SLC12A9: variants seen among roughly 807,000 people sequenced by gnomAD.
SLC12A9 encodes CCC-interacting protein 1.
Under a neutral mutation model 66.0 loss-of-function variants are expected in SLC12A9, and 55 were observed. The ratio of observed to expected loss-of-function variants is 0.83; its 90% CI spans 0.67 to 1.04. The LOEUF is 1.04. Ranked by LOEUF, SLC12A9 falls within the 50% of genes least tolerant of loss-of-function variation. The pLI, the probability that SLC12A9 is intolerant of heterozygous loss-of-function variation, is 0.00. For synonymous variants in SLC12A9, 577 were observed against 569.0 expected (o/e 1.01, Z -0.20); for missense variants, 1,061 against 1,241.9 (o/e 0.85, Z 2.19).
chr7:100,860,391 C>A, intron 9 of SLC12A9, 159 bp downstream of exon 9: 1 of 734,920 alleles, frequency 1.4e-6, no homozygotes. Flanking sequence ...TTGTGGGGTT[C>A]ACCAGCACCT....
rs558305188 is a variant in SLC12A9 at position 100,831,559 on chromosome 7, C to T, written n.228+4512C>T. 2.0e-5 allele frequency among the ~76,000 whole-genome samples: 3 copies of T among 152,270 alleles called. No individual in the cohort carries two copies. In the South Asian group the frequency reaches 6.2e-4, roughly 32 times the overall value. On this transcript the variant is annotated intron_variant and non_coding_transcript_variant, in intron 1 of 1. Coordinates refer to the SLC12A9 transcript ENST00000461016. ...GTGGCACGGTCATGGCTCACTGCAG[C>T]CTTGACCTCCTGGGCTCGAGCAATC...
Position 100,866,830 on chromosome 7 carries a change from A to G in SLC12A9, c.*225A>G. On this transcript the variant is annotated 3_prime_UTR_variant, in exon 14 of 14. Transcript: ENST00000354161. This position sits in a 1 kb window ranked among gnomAD's most constrained non-coding sequence, Gnocchi z 7.3. ...GGTGGCTGTCCCCACCGTGCAGGGG[A>G]GGGAGTCCGCAGCCTCCCTTCACTG... 2.2e-6 allele frequency: 1 copy of G among 456,682 alleles called. No homozygotes were observed. The highest frequency in any genetic ancestry group is 3.8e-6 in the Non-Finnish European group (1 of 262,062). The allele number at this position is 456,682 out of a possible 1,614,324, so 28.3% of individuals were successfully genotyped here.
In SLC12A9 at chr7:100,866,791, G is replaced by C. The variant is rs1283612146; in HGVS notation, c.*186G>C. ...CACCTCCTTTGGCAGAGGGACCCCA[G>C]CACACTAACTCTGGGTGGCTGTCCC... On this transcript the variant is annotated 3_prime_UTR_variant, in exon 14 of 14. Transcript: ENST00000354161. The surrounding 1 kb of genome is among the most constrained non-coding windows in gnomAD (Gnocchi z 7.3). 2 of 588,088 alleles carry C rather than the reference G, an allele frequency of 3.4e-6. No homozygotes were observed. Among genetic ancestry groups the C allele is most frequent in the African/African-American group, 3.9e-5 (2 of 51,728 alleles). 36.4% of individuals were successfully genotyped at this position (588,088 alleles called of 1,614,324 possible). A position where few individuals can be genotyped will look rare whatever the true frequency, so the allele number is the denominator to read the frequency against.
At chr7:100,845,916 C>T (rs1247278426) in intron 1 of SLC12A9, among the ~76,000 whole-genome samples, 1 of 152,204 alleles carries the variant, frequency 6.6e-6, no homozygotes, top group Non-Finnish European at 1.5e-5. Context: ...ATAAAACCAG[C>T]AGAGCCTTGA....
intron 1 of SLC12A9, among the ~76,000 whole-genome samples, chr7:100,839,507 C>T (rs902471867): frequency 9.9e-5 from 15 of 152,166 alleles, no homozygotes; most frequent in Admixed American, 8.5e-4. Flanking sequence ...GGCGGATGGT[C>T]GAGGCAGCTC....
intron 1 of SLC12A9, chr7:100,827,120 T>TACTCCGCGCGGG: frequency 7.1e-7 from 1 of 1,411,152 alleles, no homozygotes; most frequent in Non-Finnish European, 9.6e-7. Flanking sequence ...TGGACGCCGA[T>TACTCCGCGCGGG]ACTCCGCGCG....
At chr7:100,837,825 T>G (rs905985180) in intron 1 of SLC12A9, among the ~76,000 whole-genome samples, 6 of 151,728 alleles carry the variant, frequency 4.0e-5, no homozygotes, top group Non-Finnish European at 8.8e-5. Flanking sequence ...TTATTTCATC[T>G]ATTTATTTTT....
At chr7:100,836,272 G>C (rs1320406080) in intron 1 of SLC12A9, among the ~76,000 whole-genome samples, 1 of 152,210 alleles carries the variant, frequency 6.6e-6, no homozygotes, top group East Asian at 1.9e-4. Flanking sequence ...GAAGCTCTTG[G>C]GCTGGTTAGG....
chr7:100,837,204 A>T (rs891509205), intron 1 of SLC12A9: 2 of 152,156 alleles, frequency 1.3e-5, no homozygotes, highest in Non-Finnish European at 2.9e-5. Flanking sequence ...TGGCCCCGCA[A>T]AGCGCTGGGA....
chr7:100,848,083 C>CAAA (rs36071720), upstream of SLC12A9, among the ~76,000 whole-genome samples: 160 of 43,854 alleles, frequency 3.6e-3, 6 homozygotes, highest in East Asian at 0.035. Context: ...GACTCCATCT[C>CAAA]AAAAAAAAAA....
intron 1 of SLC12A9, among the ~76,000 whole-genome samples, chr7:100,853,090 C>T (rs1272920570): frequency 6.7e-6 from 1 of 148,318 alleles, no homozygotes; most frequent in East Asian, 2.0e-4. Context: ...GAGGCTAAGG[C>T]GAGGAGGAGG....
chr7:100,844,270 C>G (rs540781138), intron 1 of SLC12A9, among the ~76,000 whole-genome samples: 7 of 152,078 alleles, frequency 4.6e-5, no homozygotes, highest in African/African-American at 1.7e-4. Context: ...TTATTCTGTA[C>G]AAGGTATGTA....
chr7:100,844,746 G>A (rs1396177291), intron 1 of SLC12A9, among the ~76,000 whole-genome samples: 1 of 152,112 alleles, frequency 6.6e-6, no homozygotes, highest in African/African-American at 2.4e-5. Flanking sequence ...AAAGAGGAGC[G>A]TGTGACCTTA....
Position 100,852,785 on chromosome 7 carries a change from A to AG in SLC12A9, c.-92dup, listed in dbSNP as rs72578591. 152,428 of 152,428 alleles carry AG rather than the reference A, an allele frequency of 1. 76,214 individuals are homozygous for AG. Among genetic ancestry groups the AG allele is most frequent in the Non-Finnish European group, 1 (68,116 of 68,116 alleles). The allele number at this position is 152,428 out of a possible 1,614,324, so 9.4% of individuals were successfully genotyped here. A position where few individuals can be genotyped will look rare whatever the true frequency, so the allele number is the denominator to read the frequency against. ...CCGGCCCCCGTGCACTCTCCGCCCG[A>AG]GCGGAGCCCCCCGGCTCGCGGGGAT... On this transcript the variant is annotated 5_prime_UTR_variant, in exon 1 of 14. Coordinates refer to ENST00000354161, the MANE Select transcript of SLC12A9 (RefSeq NM_020246.4).
intron 13 of SLC12A9, among the ~76,000 whole-genome samples, chr7:100,863,702 C>T (rs951354735): frequency 6.6e-6 from 1 of 152,220 alleles, no homozygotes; most frequent in Non-Finnish European, 1.5e-5. Context: ...CAGCTTTTAG[C>T]GCTGAGGCCA....
Position 100,854,141 on chromosome 7 carries a change from TA to T in SLC12A9, c.-42-13del. On this transcript the variant is annotated splice_polypyrimidine_tract_variant and intron_variant, in intron 1 of 13. Coordinates refer to ENST00000354161, the MANE Select transcript of SLC12A9 (RefSeq NM_020246.4). ...CTGTGGGGGAGCTTTTGATGCAACA[TA>T]ATCTCCTTTGCAGGTCACCTAACCC... 1 of 1,466,488 alleles carries T rather than the reference TA, an allele frequency of 6.8e-7. No individual in the cohort carries two copies. The allele number at this position is 1,466,488 out of a possible 1,614,324, so 90.8% of individuals were successfully genotyped here. A position where few individuals can be genotyped will look rare whatever the true frequency, so the allele number is the denominator to read the frequency against.
At chr7:100,831,347 G>A (rs314318) in intron 1 of SLC12A9, among the ~76,000 whole-genome samples, 45 of 151,944 alleles carry the variant, frequency 3.0e-4, no homozygotes, top group African/African-American at 1.0e-3. Flanking sequence ...CCACCACACC[G>A]GGCTAATTTT....
chr7:100,855,110 G>T (rs1009299156), intron 3 of SLC12A9, among the ~76,000 whole-genome samples: 1 of 152,188 alleles, frequency 6.6e-6, no homozygotes, highest in Non-Finnish European at 1.5e-5. Context: ...GTTGCAGCGT[G>T]CCAAGATCGC....
intron 5 of SLC12A9, chr7:100,857,560 A>G: frequency 4.9e-6 from 1 of 204,690 alleles, no homozygotes; most frequent in Non-Finnish European, 1.0e-5. Context: ...CCTGAGATAG[A>G]CAGGTGGGGG....
Sources: allele counts gnomAD v4.1 joint callset (sites outside exome capture counted in the v4.1 genomes callset), GRCh38; gene constraint gnomAD v4.1.1; non-coding constraint Gnocchi (gnomAD v3.1); transcripts MANE v1.5; gene names NCBI Gene and HGNC (gene_info 2026-07-23, HGNC 2026-07-21).